Variants in GALM observed in about 807,000 individuals in gnomAD.
GALM encodes the protein aldose 1-epimerase.
In GALM, 43 loss-of-function variants were observed where a neutral mutation model predicts 37.4. The observed-to-expected ratio is 1.15, with a 90% CI of 0.90 to 1.48. The LOEUF (loss-of-function observed/expected upper bound fraction) is 1.48. Ranked by LOEUF, GALM falls within the 40% of genes most tolerant of loss-of-function variation. The probability of loss-of-function intolerance (pLI) is 0.00; values close to 1 mark genes in which losing one functional copy is unlikely to be tolerated. For synonymous variants in GALM, 199 were observed against 170.6 expected, an observed-to-expected ratio of 1.17 and a Z score of -1.30; for missense variants, 456 against 419.1, an observed-to-expected ratio of 1.09 and a Z score of -0.77.
chr2:38,710,924 T>G (rs2148448582), intron 4 of GALM, among the ~76,000 whole-genome samples: 1 of 150,910 alleles, frequency 6.6e-6, no homozygotes, highest in East Asian at 2.0e-4. Flanking sequence ...CAGCAAATTT[T>G]TGTATTTTTA....
intron 4 of GALM, among the ~76,000 whole-genome samples, chr2:38,697,572 A>G (rs1665836952): frequency 6.6e-6 from 1 of 152,154 alleles, no homozygotes; most frequent in Admixed American, 6.5e-5. Context: ...TCGGTAAATA[A>G]TTTTTCAGGT....
At chr2:38,675,708 A>T (rs1410931874) in intron 1 of GALM, among the ~76,000 whole-genome samples, 1 of 151,024 alleles carries the variant, frequency 6.6e-6, no homozygotes, top group African/African-American at 2.4e-5. Context: ...AGCTGGGACT[A>T]CAGGCGCCGG....
chr2:38,723,508 G>T (rs1299209231), intron 4 of GALM, among the ~76,000 whole-genome samples: 1 of 152,122 alleles, frequency 6.6e-6, no homozygotes, highest in Non-Finnish European at 1.5e-5. Flanking sequence ...AAAACTCCCG[G>T]CCAGGTGCAG....
At chr2:38,693,850 A>T (rs985584680) in intron 4 of GALM, among the ~76,000 whole-genome samples, 4 of 152,190 alleles carry the variant, frequency 2.6e-5, no homozygotes, top group African/African-American at 9.7e-5. Context: ...CAGGCTCTTA[A>T]GTAGACCTGC....
chr2:38,670,659 C>T (rs1376196900), intron 1 of GALM, among the ~76,000 whole-genome samples: 1 of 152,180 alleles, frequency 6.6e-6, no homozygotes, highest in South Asian at 2.1e-4. Context: ...ATATTTGATA[C>T]GTCTCTGATC....
intron 5 of GALM, 129 bp downstream of exon 5, chr2:38,729,826 A>G (rs1007972278): frequency 2.9e-5 from 21 of 720,980 alleles, no homozygotes; most frequent in East Asian, 1.7e-4. Flanking sequence ...ACCACATCCC[A>G]TATTTTCTCA....
chr2:38,700,449 C>T (rs745752940), intron 4 of GALM, among the ~76,000 whole-genome samples: 11 of 151,992 alleles, frequency 7.2e-5, no homozygotes, highest in Non-Finnish European at 1.2e-4. Context: ...TTGTTACCTC[C>T]TCTTACTGAA....
chr2:38,671,592 G>A (rs1287291872), intron 1 of GALM, among the ~76,000 whole-genome samples: 1 of 152,112 alleles, frequency 6.6e-6, no homozygotes, highest in Non-Finnish European at 1.5e-5. Context: ...AGATTTGGGT[G>A]GGAGCACAAA....
rs1666661982 is a variant in GALM at position 38,734,235 on chromosome 2, TAAA to T, written c.*674_*676del. On this transcript the variant is annotated 3_prime_UTR_variant, in exon 7 of 7. Transcript: ENST00000272252. ...AACACGGTGAAACCCCGTCTCTACA[TAAA>T]AAATTAGCTGGGTGTGGTAGCACGC... 6.5e-6 allele frequency: 1 copy of T among 154,604 alleles called. No homozygotes were observed. The highest frequency in any genetic ancestry group is 2.4e-5 in the African/African-American group (1 of 41,288). 9.6% of individuals were successfully genotyped at this position (154,604 alleles called of 1,614,324 possible). A position where few individuals can be genotyped will look rare whatever the true frequency, so the allele number is the denominator to read the frequency against.
chr2:38,682,368 C>A, intron 3 of GALM: 1 of 335,910 alleles, frequency 3.0e-6, no homozygotes, highest in South Asian at 2.2e-5. Context: ...ATACTTGACT[C>A]ACTTTGGCCT....
chr2:38,713,398 C>T (rs1572536693), intron 4 of GALM, among the ~76,000 whole-genome samples: 1 of 150,982 alleles, frequency 6.6e-6, no homozygotes, highest in South Asian at 2.1e-4. Flanking sequence ...TCTCTTAGAA[C>T]AGCATGTGGC....
rs767090087 is a variant in GALM, at chr2:38,666,287, C to A, written c.126C>A (p.Ala42=). The part of the protein sequence containing the change: ...DIISWGCTIT[A]LEVKDRQGRA... ...TCTCCTGGGGCTGCACGATCACAGC[C>A]CTAGAGGTCAAAGACAGGCAGGGGA... is the stretch of plus-strand genomic sequence containing the variant. The change falls in exon 1 of 7, where the codon GCC becomes GCA. Residue 42 remains alanine, a synonymous_variant. Transcript: ENST00000272252. 1 of 1,614,050 alleles carries A rather than the reference C, an allele frequency of 6.2e-7. No individual in the cohort carries two copies. Among genetic ancestry groups the A allele is most frequent in the Non-Finnish European group, 8.5e-7 (1 of 1,179,964 alleles).
intron 2 of GALM, among the ~76,000 whole-genome samples, chr2:38,678,149 T>C (rs1047219361): frequency 7.9e-5 from 12 of 151,854 alleles, no homozygotes; most frequent in Admixed American, 5.9e-4. Context: ...CCCAAGTAGC[T>C]GGGATTACAG....
intron 1 of GALM, among the ~76,000 whole-genome samples, chr2:38,672,604 C>A (rs1665138052): frequency 6.6e-6 from 1 of 152,140 alleles, no homozygotes; most frequent in Admixed American, 6.6e-5. Flanking sequence ...CTTGGTTCTG[C>A]CACTACTTAG....
chr2:38,712,859 C>T (rs1179798868), intron 4 of GALM, among the ~76,000 whole-genome samples: 2 of 152,172 alleles, frequency 1.3e-5, no homozygotes, highest in Non-Finnish European at 2.9e-5. Flanking sequence ...ATAGAGATTA[C>T]AGGGGCTAAA....
chr2:38,715,258 G>A (rs865888257), intron 4 of GALM, among the ~76,000 whole-genome samples: 4 of 152,078 alleles, frequency 2.6e-5, no homozygotes, highest in South Asian at 2.1e-4. Flanking sequence ...GTCTTTATAG[G>A]TGAAGTGAGT....
At chr2:38,676,241 T>C (rs1372877626) in intron 2 of GALM, among the ~76,000 whole-genome samples, 175 bp downstream of exon 2, 2 of 152,048 alleles carry the variant, frequency 1.3e-5, no homozygotes, top group Non-Finnish European at 2.9e-5. Flanking sequence ...CATCCTTCTC[T>C]AGTTCATCTG....
intron 4 of GALM, among the ~76,000 whole-genome samples, chr2:38,708,047 C>A (rs1472282542): frequency 6.6e-6 from 1 of 151,788 alleles, no homozygotes; most frequent in Non-Finnish European, 1.5e-5. Flanking sequence ...ACGGAGGTTG[C>A]AGTGAGCCGA....
chr2:38,707,450 GAGA>G (rs1228195040), intron 4 of GALM, among the ~76,000 whole-genome samples: 2 of 152,278 alleles, frequency 1.3e-5, no homozygotes, highest in African/African-American at 4.8e-5. Flanking sequence ...GGCAAAGAAG[GAGA>G]AGAGGTGTCT....
Sources: gnomAD v4.1 joint callset for allele counts (sites outside exome capture counted in the v4.1 genomes callset) on GRCh38, gnomAD v4.1.1 for gene constraint, MANE v1.5 for transcripts, NCBI Gene and HGNC (gene_info 2026-07-23, HGNC 2026-07-21) for gene names.